ANKRD39: variants seen among roughly 807,000 people sequenced by gnomAD.
ANKRD39 encodes ankyrin repeat domain-containing protein 39.
In ANKRD39, 18 loss-of-function variants were observed where a neutral mutation model predicts 20.3. That is an observed-to-expected ratio of 0.89 (90% confidence interval 0.61 to 1.32). ANKRD39 has a LOEUF of 1.32. Among genes scored for constraint, ANKRD39 ranks in the 40% most tolerant of loss-of-function variants. ANKRD39 has a pLI of 0.00. For missense variants in ANKRD39, 243 were observed against 250.7 expected, an observed-to-expected ratio of 0.97 and a Z score of 0.21; for synonymous variants, 106 against 111.9, an observed-to-expected ratio of 0.95 and a Z score of 0.33.
At chr2:96,850,320 A>C (rs1158918818) in intron 3 of ANKRD39, among the ~76,000 whole-genome samples, 1 of 152,206 alleles carries the variant, frequency 6.6e-6, no homozygotes, top group Non-Finnish European at 1.5e-5. Flanking sequence ...GATGCATCCC[A>C]AATAATTTTT....
chr2:96,850,148 C>T (rs770929758), intron 3 of ANKRD39, among the ~76,000 whole-genome samples: 15 of 152,152 alleles, frequency 9.9e-5, no homozygotes, highest in Non-Finnish European at 2.2e-4. Context: ...AATTGATAGA[C>T]TATAGGGCTT....
chr2:96,854,491 T>C lies in ANKRD39; in HGVS notation c.101-50A>G, dbSNP rs367954855. Reference sequence around the variant, plus strand: ...GAATGATGCTGAATGGGAGTTTCAGTGCTTGCTTTGCCTCTTGACCTCAGT... The same window carrying C: ...GAATGATGCTGAATGGGAGTTTCAGCGCTTGCTTTGCCTCTTGACCTCAGT... On this transcript the variant is annotated intron_variant, in intron 1 of 3. Coordinates refer to ENST00000393537, the MANE Select transcript of ANKRD39 (RefSeq NM_016466.6). The C allele has an allele frequency of 2.2e-4, 339 of 1,563,528 alleles. 1 individual carries two copies. Among genetic ancestry groups the C allele is most frequent in the Non-Finnish European group, 2.7e-4 (303 of 1,135,806 alleles).
chr2:96,856,723 C>A (rs2079867391), intron 1 of ANKRD39, among the ~76,000 whole-genome samples: 1 of 152,250 alleles, frequency 6.6e-6, no homozygotes, highest in African/African-American at 2.4e-5. Flanking sequence ...GGCAGAACTG[C>A]CCCCAGTTGA....
At chr2:96,853,730 G>T in intron 2 of ANKRD39, 126 bp from the exon 3 acceptor site, 1 of 900,884 alleles carries the variant, frequency 1.1e-6, no homozygotes, top group Non-Finnish European at 1.7e-6. Flanking sequence ...AACCCCAGCA[G>T]TCGTGTGACC....
At chr2:96,852,324 C>G (rs901856150) in intron 3 of ANKRD39, among the ~76,000 whole-genome samples, 43 of 141,648 alleles carry the variant, frequency 3.0e-4, no homozygotes, top group African/African-American at 1.1e-3. Context: ...GAAGTCGGGG[C>G]TGCAGTGAGT....
chr2:96,852,435 G>A (rs1212966553), intron 3 of ANKRD39, among the ~76,000 whole-genome samples: 1 of 144,166 alleles, frequency 6.9e-6, no homozygotes, highest in Non-Finnish European at 1.5e-5. Flanking sequence ...ATTATTAGTA[G>A]GGCCTCTGAG....
At chr2:96,850,837 T>C (rs1173016408) in intron 3 of ANKRD39, among the ~76,000 whole-genome samples, 1 of 152,198 alleles carries the variant, frequency 6.6e-6, no homozygotes, top group South Asian at 2.1e-4. Flanking sequence ...ATATCTGTCA[T>C]GTGAGTTGTA....
chr2:96,856,150 G>A (rs1305530858), intron 1 of ANKRD39, among the ~76,000 whole-genome samples: 2 of 152,138 alleles, frequency 1.3e-5, no homozygotes, highest in Non-Finnish European at 2.9e-5. Flanking sequence ...AAAAAAATGA[G>A]GAAATTGTTT....
chr2:96,848,373 C>T lies in ANKRD39; in HGVS notation c.480G>A (p.Arg160=). Residue 160 remains arginine, a synonymous_variant, in exon 4 of 4, where the codon CGG becomes CGA. Transcript: ENST00000393537. ...LQHSPALKAI[R]DRKARLACDL... ...CACATGCTAGCCGTGCCTTTCGGTC[C>T]CGGATGGCCTTCAGGGCTGGGCTGT... The T allele has an allele frequency of 6.2e-7, 1 of 1,614,184 alleles. No homozygotes were observed.
chr2:96,848,947 G>A (rs370287085), intron 3 of ANKRD39, among the ~76,000 whole-genome samples: 8 of 152,192 alleles, frequency 5.3e-5, no homozygotes, highest in African/African-American at 1.9e-4. Flanking sequence ...CAGTTAGCTT[G>A]AGTTTTTCTT....
chr2:96,857,887 C>T lies in ANKRD39; in HGVS notation c.100+1G>A. 1 of 1,576,104 alleles carries T rather than the reference C, an allele frequency of 6.3e-7. No individual in the cohort carries two copies. On this transcript the variant is annotated splice_donor_variant, in intron 1 of 3. Coordinates refer to ENST00000393537, the MANE Select transcript of ANKRD39 (RefSeq NM_016466.6). LOFTEE classifies it high-confidence loss of function. ...CCACGAGGGCCGCGCGGCAGCCTCA[C>T]CCCTCTCGAAGTCCATCTCCTCCAG...
intron 3 of ANKRD39, among the ~76,000 whole-genome samples, chr2:96,851,193 G>C (rs537631018): frequency 3.3e-5 from 5 of 151,290 alleles, no homozygotes; most frequent in African/African-American, 1.2e-4. Context: ...TTTCGCTCTT[G>C]TTGCCCAGGC....
Position 96,858,003 on chromosome 2 carries a change from A to T in ANKRD39, c.-16T>A. ...GCGTCGCCATCCCGGCCCCGGCGTCAGTCGATCCGCCCCGGGTCTCAGGCT... is the reference window on the plus strand; with the variant it reads ...GCGTCGCCATCCCGGCCCCGGCGTCTGTCGATCCGCCCCGGGTCTCAGGCT... On this transcript the variant is annotated 5_prime_UTR_variant, in exon 1 of 4. Coordinates refer to ENST00000393537, the MANE Select transcript of ANKRD39 (RefSeq NM_016466.6). 6.6e-7 allele frequency: 1 copy of T among 1,518,698 alleles called. No individual in the cohort carries two copies. Among genetic ancestry groups the T allele is most frequent in the South Asian group, 1.2e-5 (1 of 82,026 alleles). The allele number at this position is 1,518,698 out of a possible 1,614,324, so 94.1% of individuals were successfully genotyped here. A position where few individuals can be genotyped will look rare whatever the true frequency, so the allele number is the denominator to read the frequency against.
At chr2:96,857,368 CCT>C (rs1355013572) in intron 1 of ANKRD39, among the ~76,000 whole-genome samples, 1 of 152,230 alleles carries the variant, frequency 6.6e-6, no homozygotes, top group African/African-American at 2.4e-5. Flanking sequence ...AAACGTGTTA[CCT>C]CTCTGGGTCC....
Position 96,857,895 on chromosome 2 carries a change from G to T in ANKRD39, c.93C>A (p.Phe31Leu), listed in dbSNP as rs532685908. ...GCCGCGCGGCAGCCTCACCCCTCTC[G>T]AAGTCCATCTCCTCCAGCGTCTGCT... Reference protein sequence around the residue: ...GVQQTLEEMDFERGIWSAALN... With the variant: ...GVQQTLEEMDLERGIWSAALN... Residue 31 changes from phenylalanine to leucine, a missense_variant, in exon 1 of 4, where the codon TTC (phenylalanine) becomes TTA (leucine). Coordinates refer to ENST00000393537, the MANE Select transcript of ANKRD39 (RefSeq NM_016466.6). 6.3e-7 allele frequency: 1 copy of T among 1,580,712 alleles called. No homozygotes were observed. Among genetic ancestry groups the T allele is most frequent in the Admixed American group, 1.8e-5 (1 of 56,918 alleles).
In ANKRD39 at chr2:96,850,681, C is replaced by CA. The variant is rs146212815; in HGVS notation, c.409-2238dup. On this transcript the variant is annotated intron_variant, in intron 3 of 3. Coordinates refer to ENST00000393537, the MANE Select transcript of ANKRD39 (RefSeq NM_016466.6). ...CTCTATCTAAAAAAACAAAACAAAA[C>CA]AAAAAAAAAAACAAAAACATACACA... Among the ~76,000 whole-genome samples, 641 of 137,302 alleles carry CA rather than the reference C, an allele frequency of 4.7e-3. 3 individuals carry two copies. Among genetic ancestry groups the CA allele is most frequent in the Middle Eastern group, 0.015 (4 of 270 alleles). The allele number at this position is 137,302 out of a possible 152,430, so 90.1% of individuals were successfully genotyped here.
At chr2:96,852,687 G>GACTA (rs570805536) in intron 3 of ANKRD39, among the ~76,000 whole-genome samples, 71 of 152,114 alleles carry the variant, frequency 4.7e-4, no homozygotes, top group Non-Finnish European at 7.9e-4. Flanking sequence ...GGCAAGAGGG[G>GACTA]ACTAGATTTA....
At chr2:96,851,419 G>A (rs2079836646) in intron 3 of ANKRD39, among the ~76,000 whole-genome samples, 1 of 152,048 alleles carries the variant, frequency 6.6e-6, no homozygotes, top group South Asian at 2.1e-4. Flanking sequence ...GCCTCCCAAA[G>A]TGCTGGGGTT....
At chr2:96,857,436 T>C (rs1161502614) in intron 1 of ANKRD39, among the ~76,000 whole-genome samples, 1 of 152,220 alleles carries the variant, frequency 6.6e-6, no homozygotes, top group Non-Finnish European at 1.5e-5. Context: ...GCTCTTGCCA[T>C]CTTTAAAGCA....
Sources: gnomAD v4.1 joint callset for allele counts (sites outside exome capture counted in the v4.1 genomes callset) on GRCh38, gnomAD v4.1.1 for gene constraint, MANE v1.5 for transcripts, NCBI Gene and HGNC (gene_info 2026-07-23, HGNC 2026-07-21) for gene names.